ZC3H12B: variants seen among roughly 807,000 people sequenced by gnomAD.
The protein encoded by ZC3H12B is probable ribonuclease ZC3H12B.
Under a neutral mutation model 43.9 loss-of-function variants are expected in ZC3H12B, and 7 were observed. The observed-to-expected ratio is 0.16, with a 90% confidence interval of 0.09 to 0.30. The LOEUF (loss-of-function observed/expected upper bound fraction) is 0.30, where lower values mean the gene tolerates loss of function less well. Ranked by LOEUF, ZC3H12B falls within the 10% of genes least tolerant of loss-of-function variation. The pLI is 1.00. For missense variants in ZC3H12B, 475 were observed against 670.2 expected (o/e 0.71, Z 3.22); for synonymous variants, 222 against 241.7 (o/e 0.92, Z 0.76).
intron 3 of ZC3H12B, among the ~76,000 whole-genome samples, chrX:65,483,485 G>A (rs1284698494): frequency 8.9e-6 from 1 of 111,752 alleles, no homozygotes; most frequent in Admixed American, 9.5e-5. Flanking sequence ...CAAAGTATCT[G>A]AGAAAGCCTT....
the ZC3H12B span, among the ~76,000 whole-genome samples, chrX:65,284,621 C>T: frequency 2.0e-4 from 22 of 110,472 alleles, no homozygotes; most frequent in Non-Finnish European, 3.8e-5. Context: ...ATTATCTGGG[C>T]GTGGTTGTAT....
the ZC3H12B span, among the ~76,000 whole-genome samples, chrX:65,191,685 C>G: frequency 1.3e-4 from 14 of 107,032 alleles, no homozygotes; most frequent in Admixed American, 6.0e-4. Flanking sequence ...TTTGATTCTT[C>G]TCTCTTTTTT....
upstream of ZC3H12B, among the ~76,000 whole-genome samples, chrX:65,488,092 C>A (rs1044623992): frequency 9.1e-6 from 1 of 110,486 alleles, no homozygotes; most frequent in African/African-American, 3.3e-5. Flanking sequence ...AGGATGGTCT[C>A]GATCTCCTGA....
At chrX:65,377,875 G>A (rs2066369036) in intron 2 of ZC3H12B, among the ~76,000 whole-genome samples, 1 of 111,099 alleles carries the variant, frequency 9.0e-6, no homozygotes, top group Non-Finnish European at 1.9e-5. Flanking sequence ...GAGGTGGGCA[G>A]ATCACGAGGT....
the ZC3H12B span, among the ~76,000 whole-genome samples, chrX:65,116,013 C>A: frequency 9.0e-6 from 1 of 111,258 alleles, no homozygotes; most frequent in Non-Finnish European, 1.9e-5. Context: ...GTTAACTCTG[C>A]TGATTATTTA....
chrX:65,082,163 A>C, the ZC3H12B span, among the ~76,000 whole-genome samples: 1 of 111,678 alleles, frequency 9.0e-6, no homozygotes, highest in Non-Finnish European at 1.9e-5. Context: ...GTCTACATCA[A>C]AAAGGAGGAA....
intron 3 of ZC3H12B, among the ~76,000 whole-genome samples, chrX:65,421,041 A>G (rs1251364535): frequency 1.8e-5 from 2 of 112,314 alleles, no homozygotes; most frequent in East Asian, 5.6e-4. Context: ...GCCCTATGCA[A>G]TAATTTAATT....
the ZC3H12B span, among the ~76,000 whole-genome samples, chrX:65,295,871 T>TA: frequency 7.2e-5 from 8 of 110,934 alleles, no homozygotes. Flanking sequence ...TAGAATCTCT[T>TA]AACAGACCAA....
the ZC3H12B span, among the ~76,000 whole-genome samples, chrX:65,100,872 A>G: frequency 6.1e-4 from 68 of 111,601 alleles, no homozygotes; most frequent in African/African-American, 2.2e-3. Context: ...CAGGACTTGA[A>G]CTCAGCTCTG....
upstream of ZC3H12B, among the ~76,000 whole-genome samples, chrX:65,487,919 T>C (rs868545134): frequency 8.9e-6 from 1 of 112,035 alleles, no homozygotes; most frequent in Middle Eastern, 4.6e-3. Flanking sequence ...TCACCCAGGC[T>C]GGAGTGCAGT....
the ZC3H12B span, among the ~76,000 whole-genome samples, chrX:65,223,330 G>A: frequency 1.8e-5 from 2 of 110,627 alleles, no homozygotes; most frequent in African/African-American, 6.6e-5. Flanking sequence ...AACTCAACAC[G>A]GCTGAAGGAA....
At chrX:65,119,571 G>A in the ZC3H12B span, among the ~76,000 whole-genome samples, 18 of 111,321 alleles carry the variant, frequency 1.6e-4, no homozygotes, top group East Asian at 4.3e-3. Context: ...AGTAGGTTGT[G>A]AAAATTTTCT....
the ZC3H12B span, among the ~76,000 whole-genome samples, chrX:65,307,205 T>A: frequency 1.8e-5 from 2 of 112,123 alleles, no homozygotes; most frequent in African/African-American, 6.5e-5. Flanking sequence ...TTGACAGTCT[T>A]TAAAGTAATA....
At chrX:65,443,344 C>T (rs2067329812) in intron 3 of ZC3H12B, among the ~76,000 whole-genome samples, 1 of 110,855 alleles carries the variant, frequency 9.0e-6, no homozygotes, top group Non-Finnish European at 1.9e-5. Flanking sequence ...CGCCACTTGC[C>T]GAGACCAGCT....
chrX:65,412,001 G>C (rs1205717934), intron 3 of ZC3H12B, among the ~76,000 whole-genome samples: 1 of 110,679 alleles, frequency 9.0e-6, no homozygotes, highest in Non-Finnish European at 1.9e-5. Flanking sequence ...GTGAAATCTA[G>C]ATAATATAAA....
the ZC3H12B span, among the ~76,000 whole-genome samples, chrX:65,193,212 T>G: frequency 9.0e-6 from 1 of 110,646 alleles, no homozygotes; most frequent in Non-Finnish European, 1.9e-5. Context: ...TCCTCAATTT[T>G]TTGGAATAGT....
the ZC3H12B span, among the ~76,000 whole-genome samples, chrX:65,190,916 T>A: frequency 8.3e-4 from 87 of 104,252 alleles, 2 homozygotes; most frequent in African/African-American, 3.1e-3. Context: ...TCCCATTCAG[T>A]ATGATATTGG....
chrX:65,278,731 A>G, the ZC3H12B span, among the ~76,000 whole-genome samples: 1 of 110,895 alleles, frequency 9.0e-6, no homozygotes, highest in African/African-American at 3.3e-5. Context: ...GGGTTTGTTC[A>G]GATTATTTTA....
At chrX:65,137,113 CTTTA>C in the ZC3H12B span, among the ~76,000 whole-genome samples, 1 of 111,624 alleles carries the variant, frequency 9.0e-6, no homozygotes, top group African/African-American at 3.2e-5. Flanking sequence ...TTTAGCAAAC[CTTTA>C]TTTAATTATA....
Sources: gnomAD v4.1 joint callset for allele counts (sites outside exome capture counted in the v4.1 genomes callset) on GRCh38, gnomAD v4.1.1 for gene constraint, MANE v1.5 for transcripts, NCBI Gene and HGNC (gene_info 2026-07-23, HGNC 2026-07-21) for gene names.